ZDHHC11B: variants seen among roughly 807,000 people sequenced by gnomAD.
ZDHHC11B encodes probable palmitoyltransferase ZDHHC11B.
A neutral mutation model predicts 42.3 loss-of-function variants in ZDHHC11B; 17 were observed. The observed-to-expected ratio is 0.40, with a 90% CI of 0.27 to 0.60. The LOEUF is 0.60. Among genes scored for constraint, ZDHHC11B ranks in the 20% least tolerant of loss-of-function variants. ZDHHC11B has a pLI of 0.41. For synonymous variants in ZDHHC11B, 123 were observed against 193.5 expected, an observed-to-expected ratio of 0.64 and a Z score of 3.02; for missense variants, 262 against 463.2, an observed-to-expected ratio of 0.57 and a Z score of 3.99.
At position 711,319 on chromosome 5, in the gene ZDHHC11B, CTTTCCCAGTACTGTGCTCCCA is replaced by C. The variant is rs1561105687; in HGVS notation, c.*950_*970del. The C allele has an allele frequency of 7.3e-6, 1 of 137,232 alleles. No homozygotes were observed. The highest frequency in any genetic ancestry group is 2.8e-5 in the African/African-American group (1 of 35,424). The allele number at this position is 137,232 out of a possible 1,614,324, so 8.5% of individuals were successfully genotyped here. A position where few individuals can be genotyped will look rare whatever the true frequency, so the allele number is the denominator to read the frequency against. On this transcript the variant is annotated 3_prime_UTR_variant, in exon 14 of 14. Transcript: ENST00000508859. ...CCAATTCCCAGTACTGTGGGCTCCC[CTTTCCCAGTACTGTGCTCCCA>C]TTTCCCAGTACTATGTTCCCATTTC...
At chr5:720,771 A>T (rs1742124387) in intron 12 of ZDHHC11B, among the ~76,000 whole-genome samples, 1 of 151,594 alleles carries the variant, frequency 6.6e-6, no homozygotes, top group South Asian at 2.1e-4. Context: ...GGCAATATAA[A>T]GGGTGAGGGA....
intron 4 of ZDHHC11B, among the ~76,000 whole-genome samples, chr5:762,692 A>G (rs1388118220): frequency 1.3e-5 from 2 of 151,812 alleles, no homozygotes; most frequent in African/African-American, 4.8e-5. Flanking sequence ...AGCTTTAAAC[A>G]CACATTAAAA....
At chr5:746,840 T>C (rs1344022923) in intron 8 of ZDHHC11B, among the ~76,000 whole-genome samples, 5 of 143,606 alleles carry the variant, frequency 3.5e-5, no homozygotes, top group Non-Finnish European at 7.7e-5. Flanking sequence ...AAATGACAAG[T>C]GCAGACTTTG....
In ZDHHC11B at chr5:728,443, A is replaced by G. The variant is rs565176982; in HGVS notation, c.1058+1991T>C. 2.0e-5 allele frequency among the ~76,000 whole-genome samples: 3 copies of G among 152,010 alleles called. No homozygotes were observed. The South Asian group carries it at 6.2e-4, about 32-fold the overall frequency. On this transcript the variant is annotated intron_variant, in intron 12 of 13. Coordinates refer to ENST00000508859, the MANE Select transcript of ZDHHC11B (RefSeq NM_001351303.2). ...GGTGCTTCTTGCAATTTTGTTTGCA[A>G]AACCTAAACTTGGTCATAAACTTAA... is the stretch of plus-strand genomic sequence containing the variant.
At chr5:772,419 C>T (rs1429797378) in intron 1 of ZDHHC11B, among the ~76,000 whole-genome samples, 1 of 151,434 alleles carries the variant, frequency 6.6e-6, no homozygotes, top group Non-Finnish European at 1.5e-5. Context: ...TGCCTTCAAA[C>T]GTTCTGAGGA....
intron 4 of ZDHHC11B, among the ~76,000 whole-genome samples, chr5:759,484 C>T (rs143192216): frequency 2.0e-5 from 3 of 152,072 alleles, no homozygotes; most frequent in Admixed American, 6.6e-5. Context: ...GCTCGTGCTG[C>T]CCTGGGCCAC....
At chr5:760,089 G>A in intron 4 of ZDHHC11B, among the ~76,000 whole-genome samples, 1 of 151,926 alleles carries the variant, frequency 6.6e-6, no homozygotes, top group East Asian at 1.9e-4. Context: ...GAGCCACAGA[G>A]GGTTCACCTA....
At chr5:718,837 T>G (rs1741974352) in intron 12 of ZDHHC11B, among the ~76,000 whole-genome samples, 1 of 151,792 alleles carries the variant, frequency 6.6e-6, no homozygotes, top group Non-Finnish European at 1.5e-5. Flanking sequence ...TTGGAGCAGC[T>G]GGCTGATGTC....
At chr5:724,110 A>T (rs1230139219) in intron 12 of ZDHHC11B, among the ~76,000 whole-genome samples, 1 of 151,742 alleles carries the variant, frequency 6.6e-6, no homozygotes, top group Non-Finnish European at 1.5e-5. Flanking sequence ...CTGTGTCATC[A>T]GTGCTCCCAG....
At chr5:735,860 C>T (rs989068774) in intron 10 of ZDHHC11B, among the ~76,000 whole-genome samples, 3 of 148,758 alleles carry the variant, frequency 2.0e-5, no homozygotes, top group African/African-American at 7.5e-5. Context: ...CAAAACAGAA[C>T]CTCCTTAAAG....
At chr5:784,547 T>C (rs1293649148) in intron 1 of ZDHHC11B, among the ~76,000 whole-genome samples, 121 bp downstream of exon 1, 2 of 152,214 alleles carry the variant, frequency 1.3e-5, no homozygotes, top group Non-Finnish European at 2.9e-5. Flanking sequence ...GGAATGTGGC[T>C]CGGGGGAGCG....
At chr5:739,989 G>T (rs556894035) in intron 10 of ZDHHC11B, among the ~76,000 whole-genome samples, 1 of 152,174 alleles carries the variant, frequency 6.6e-6, no homozygotes, top group Admixed American at 6.6e-5. Flanking sequence ...AACCTGGATG[G>T]AGTTGCAGAC....
intron 13 of ZDHHC11B, among the ~76,000 whole-genome samples, chr5:715,987 C>A (rs1171810842): frequency 6.6e-6 from 1 of 150,752 alleles, no homozygotes; most frequent in African/African-American, 2.5e-5. Flanking sequence ...ATGCCCTATA[C>A]CCTTTTCCTG....
At chr5:714,952 AGCCTCCCCCAGCCCTTC>A (rs1209090304) in intron 13 of ZDHHC11B, among the ~76,000 whole-genome samples, 2 of 151,468 alleles carry the variant, frequency 1.3e-5, no homozygotes, top group East Asian at 3.9e-4. Context: ...AAGGGCCTGG[AGCCTCCCCCAGCCCTTC>A]GCCTCCTCTC....
intron 1 of ZDHHC11B, among the ~76,000 whole-genome samples, chr5:777,031 T>G (rs1400488127): frequency 6.6e-6 from 1 of 151,782 alleles, no homozygotes; most frequent in Non-Finnish European, 1.5e-5. Flanking sequence ...GGACGCAGTG[T>G]GTCTGGAATT....
intron 1 of ZDHHC11B, among the ~76,000 whole-genome samples, chr5:777,955 G>C (rs60949144): frequency 2.0e-5 from 3 of 151,698 alleles, no homozygotes; most frequent in East Asian, 3.9e-4. Context: ...GGCGGGTCCC[G>C]AGCCCTGCCC....
chr5:763,439 G>A (rs1734886298), intron 4 of ZDHHC11B, among the ~76,000 whole-genome samples: 1 of 151,524 alleles, frequency 6.6e-6, no homozygotes, highest in Non-Finnish European at 1.5e-5. Flanking sequence ...AGAAAACAGA[G>A]AAACAGAATA....
chr5:732,528 A>G (rs950641844), intron 11 of ZDHHC11B: 3 of 383,176 alleles, frequency 7.8e-6, no homozygotes, highest in East Asian at 8.2e-5. Context: ...GTGTCTCCAA[A>G]TCTTTGCTGG....
intron 1 of ZDHHC11B, among the ~76,000 whole-genome samples, chr5:770,807 G>T (rs1191826543): frequency 2.0e-5 from 3 of 151,942 alleles, no homozygotes; most frequent in African/African-American, 7.2e-5. Context: ...CCGGTGTCAG[G>T]GTGCAGGGAT....
Sources: allele counts gnomAD v4.1 joint callset (sites outside exome capture counted in the v4.1 genomes callset), GRCh38; gene constraint gnomAD v4.1.1; transcripts MANE v1.5; gene names NCBI Gene and HGNC (gene_info 2026-07-23, HGNC 2026-07-21).